Variants in CCDC68 observed in about 807,000 individuals in gnomAD.
CCDC68 encodes coiled-coil domain containing 68.
In CCDC68, 45 loss-of-function variants were observed where a neutral mutation model predicts 47.1. That is an observed-to-expected ratio of 0.96 (90% CI 0.75 to 1.23). CCDC68 has a LOEUF of 1.23. Ranked by LOEUF, CCDC68 falls within the 50% of genes most tolerant of loss-of-function variation. The pLI is 0.00. For missense variants in CCDC68, 353 were observed against 373.6 expected, an observed-to-expected ratio of 0.94 and a Z score of 0.45; for synonymous variants, 131 against 129.5, an observed-to-expected ratio of 1.01 and a Z score of -0.08.
chr18:54,928,331 A>G (rs1164391178), intron 8 of CCDC68, among the ~76,000 whole-genome samples: 1 of 152,182 alleles, frequency 6.6e-6, no homozygotes, highest in African/African-American at 2.4e-5. Context: ...GATATTGTCC[A>G]TAGCATTTCC....
chr18:54,934,556 T>C (rs556628132), intron 7 of CCDC68, among the ~76,000 whole-genome samples: 2 of 152,288 alleles, frequency 1.3e-5, no homozygotes, highest in African/African-American at 4.8e-5. Flanking sequence ...CTAAGTCACA[T>C]ATTTCCTAGA....
intron 8 of CCDC68, among the ~76,000 whole-genome samples, chr18:54,921,653 G>A (rs760316410): frequency 3.9e-4 from 59 of 152,206 alleles, no homozygotes; most frequent in Non-Finnish European, 6.5e-4. Flanking sequence ...CGCGTCAAGC[G>A]TGCTACTCTG....
intron 7 of CCDC68, among the ~76,000 whole-genome samples, chr18:54,933,989 A>C (rs2044304754): frequency 6.6e-6 from 1 of 152,248 alleles, no homozygotes; most frequent in African/African-American, 2.4e-5. Context: ...AAACCCAGGC[A>C]GACTCATAAA....
At chr18:54,917,883 A>G in intron 10 of CCDC68, 30 bp downstream of exon 10, 1 of 1,326,180 alleles carries the variant, frequency 7.5e-7, no homozygotes, top group Non-Finnish European at 1.1e-6. Context: ...ACACCCTCAC[A>G]ACAAAATGTA....
At chr18:54,930,349 T>A (rs1298062492) in intron 7 of CCDC68, among the ~76,000 whole-genome samples, 2 of 152,174 alleles carry the variant, frequency 1.3e-5, no homozygotes, top group African/African-American at 4.8e-5. Flanking sequence ...ATTACCTATA[T>A]TGAAATGTTG....
chr18:54,916,082 G>A (rs2043946695), intron 10 of CCDC68, among the ~76,000 whole-genome samples: 1 of 152,210 alleles, frequency 6.6e-6, no homozygotes, highest in African/African-American at 2.4e-5. Context: ...ACTCCACTGT[G>A]ACATGAATCA....
intron 4 of CCDC68, among the ~76,000 whole-genome samples, chr18:54,940,407 C>T (rs761538092): frequency 2.0e-5 from 3 of 152,122 alleles, no homozygotes; most frequent in Non-Finnish European, 4.4e-5. Context: ...GTGTGGGAGG[C>T]TGAGGGTGAT....
intron 6 of CCDC68, among the ~76,000 whole-genome samples, chr18:54,935,279 A>C (rs1485530687): frequency 6.6e-6 from 1 of 152,050 alleles, no homozygotes; most frequent in African/African-American, 2.4e-5. Flanking sequence ...TATCCAGAAC[A>C]AAAAAAACCT....
At chr18:54,958,603 C>T (rs1324557944) in intron 1 of CCDC68, among the ~76,000 whole-genome samples, 1 of 152,124 alleles carries the variant, frequency 6.6e-6, no homozygotes, top group Admixed American at 6.5e-5. Flanking sequence ...GGGCTTGTTG[C>T]TTGTTCTGAT....
At chr18:54,951,335 A>G (rs939693617) in intron 1 of CCDC68, among the ~76,000 whole-genome samples, 1 of 152,246 alleles carries the variant, frequency 6.6e-6, no homozygotes, top group Non-Finnish European at 1.5e-5. Context: ...TACAAAGCAC[A>G]TGCATCCCTT....
intron 7 of CCDC68, among the ~76,000 whole-genome samples, chr18:54,930,589 C>T (rs1408220921): frequency 4.9e-5 from 5 of 103,090 alleles, no homozygotes; most frequent in South Asian, 4.0e-4. Flanking sequence ...GATACTCACT[C>T]CCTTCCTTCC....
intron 10 of CCDC68, among the ~76,000 whole-genome samples, chr18:54,913,804 C>A (rs1451277680): frequency 6.6e-6 from 1 of 151,896 alleles, no homozygotes; most frequent in Non-Finnish European, 1.5e-5. Flanking sequence ...CAGAGTAAGA[C>A]CCTGTCCCTA....
At chr18:54,958,712 C>T (rs11152089) in intron 1 of CCDC68, among the ~76,000 whole-genome samples, 26,996 of 152,076 alleles carry the variant, frequency 0.18, 2,600 homozygotes, top group East Asian at 0.3. Flanking sequence ...CCCGTACTAA[C>T]CTTCAGTAAG....
rs1913803675 is a variant in CCDC68 at position 54,903,574 on chromosome 18, A to T, written c.*784T>A. 1 of 152,226 alleles carries T rather than the reference A, an allele frequency of 6.6e-6. No individual in the cohort carries two copies. The highest frequency in any genetic ancestry group is 6.5e-5 in the Admixed American group (1 of 15,278). 9.4% of individuals were successfully genotyped at this position (152,226 alleles called of 1,614,324 possible). On this transcript the variant is annotated 3_prime_UTR_variant, in exon 12 of 12. Transcript: ENST00000591504. Reference sequence around the variant, plus strand: ...TTTCTATCCCCCCAATATTTTATTTAGATACTATTAATAACTATCAAGAAG... The same window carrying T: ...TTTCTATCCCCCCAATATTTTATTTTGATACTATTAATAACTATCAAGAAG...
intron 7 of CCDC68, among the ~76,000 whole-genome samples, chr18:54,931,597 A>G (rs1023917996): frequency 1.0e-3 from 152 of 152,212 alleles, no homozygotes; most frequent in African/African-American, 3.6e-3. Flanking sequence ...GATGATGAGG[A>G]ACTAGGTGGT....
At chr18:54,927,921 T>C (rs1268173750) in intron 8 of CCDC68, among the ~76,000 whole-genome samples, 1 of 152,064 alleles carries the variant, frequency 6.6e-6, no homozygotes, top group African/African-American at 2.4e-5. Context: ...GCAGGGAGCC[T>C]GTAGGGGGGA....
Position 54,917,083 on chromosome 18 carries a change from T to C in CCDC68, c.873+830A>G, listed in dbSNP as rs529002749. Among the ~76,000 whole-genome samples the C allele has an allele frequency of 5.3e-5, 8 of 152,310 alleles. No homozygotes were observed. The South Asian group carries it at 1.5e-3, about 28-fold the overall frequency. On this transcript the variant is annotated intron_variant, in intron 10 of 11. Transcript: ENST00000591504. The stretch of plus-strand genomic sequence containing the variant: ...AGTTACCCAGTCTTGGGTATGTCTT[T>C]ATTAGCAGTGTGAGAACAGACTAAT...
chr18:54,929,825 G>A lies in CCDC68; in HGVS notation c.601-943C>T, dbSNP rs187919454. Among the ~76,000 whole-genome samples, 17 of 152,250 alleles carry A rather than the reference G, an allele frequency of 1.1e-4. No individual in the cohort carries two copies. The South Asian group carries it at 1.2e-3, about 11-fold the overall frequency. Reference sequence around the variant, plus strand: ...GGGACTTACCTGGTTTCTAAATTTTGGCCGAGGTTTTAAACTCTCTGGGCC... The same window carrying A: ...GGGACTTACCTGGTTTCTAAATTTTAGCCGAGGTTTTAAACTCTCTGGGCC... On this transcript the variant is annotated intron_variant, in intron 7 of 11. Transcript: ENST00000591504.
chr18:54,913,055 A>G lies in CCDC68; in HGVS notation c.873+4858T>C, dbSNP rs903591142. On this transcript the variant is annotated intron_variant, in intron 10 of 11. Transcript: ENST00000591504. ...ACCATATCACCCAAATACCCAGATA[A>G]GCAGATATTGATGGGCAGGCATGTG... Among the ~76,000 whole-genome samples the G allele has an allele frequency of 2.6e-5, 4 of 152,166 alleles. No homozygotes were observed. In the East Asian group the frequency reaches 7.7e-4, roughly 29 times the overall value.
Sources: gnomAD v4.1 joint callset for allele counts (sites outside exome capture counted in the v4.1 genomes callset) on GRCh38, gnomAD v4.1.1 for gene constraint, MANE v1.5 for transcripts, NCBI Gene and HGNC (gene_info 2026-07-23, HGNC 2026-07-21) for gene names.